SYNCRIP: variants seen among roughly 807,000 people sequenced by gnomAD.
SYNCRIP encodes synaptotagmin binding cytoplasmic RNA interacting protein.
Under a neutral mutation model 68.9 loss-of-function variants are expected in SYNCRIP, and 9 were observed. That is an observed-to-expected ratio of 0.13 (90% CI 0.08 to 0.23). The LOEUF (loss-of-function observed/expected upper bound fraction) is 0.23, where lower values mean the gene tolerates loss of function less well. SYNCRIP is among the 10% of genes least tolerant of loss of function. The probability of loss-of-function intolerance (pLI) is 1.00; values close to 1 mark genes in which losing one functional copy is unlikely to be tolerated. For missense variants in SYNCRIP, 414 were observed against 770.6 expected, an observed-to-expected ratio of 0.54 and a Z score of 5.48; for synonymous variants, 258 against 254.0, an observed-to-expected ratio of 1.02 and a Z score of -0.15.
chr6:85,628,100 G>C (rs942031414), intron 6 of SYNCRIP, among the ~76,000 whole-genome samples: 5 of 151,986 alleles, frequency 3.3e-5, no homozygotes, highest in African/African-American at 9.7e-5. Flanking sequence ...CTGACACCCA[G>C]GATGGAGTAC....
downstream of SYNCRIP, chr6:85,609,803 A>AT (rs953876089): frequency 2.6e-5 from 4 of 151,888 alleles, no homozygotes; most frequent in Admixed American, 6.6e-5. Flanking sequence ...TTAAGAATAC[A>AT]TTTTTTACCC....
intron 10 of SYNCRIP, among the ~76,000 whole-genome samples, chr6:85,615,657 C>T (rs1470109768): frequency 6.6e-6 from 1 of 152,136 alleles, no homozygotes; most frequent in Non-Finnish European, 1.5e-5. Flanking sequence ...AAATTTGCCA[C>T]TTTAGGGCTG....
At chr6:85,636,872 A>T in intron 6 of SYNCRIP, 95 bp downstream of exon 6, 1 of 1,298,726 alleles carries the variant, frequency 7.7e-7, no homozygotes, top group Non-Finnish European at 1.1e-6. Flanking sequence ...CAGTACTTCA[A>T]AAAATGTTTG....
intron 1 of SYNCRIP, among the ~76,000 whole-genome samples, 157 bp downstream of exon 1, chr6:85,642,640 C>G (rs890259308): frequency 2.6e-5 from 4 of 152,232 alleles, no homozygotes; most frequent in African/African-American, 9.6e-5. Context: ...GCGGCGCGGG[C>G]CGCGGCCTAC....
intron 6 of SYNCRIP, among the ~76,000 whole-genome samples, chr6:85,630,783 G>A (rs1807680410): frequency 1.3e-5 from 2 of 152,082 alleles, no homozygotes. Flanking sequence ...CTACATAATG[G>A]GGCACAGTTC....
chr6:85,629,599 G>A (rs1363538868), intron 6 of SYNCRIP, among the ~76,000 whole-genome samples: 7 of 151,612 alleles, frequency 4.6e-5, no homozygotes, highest in Middle Eastern at 3.4e-3. Context: ...CGATGTGGGC[G>A]GATCACGAGG....
At chr6:85,624,218 C>CGGCCGGGCGCGG in intron 6 of SYNCRIP, 106 bp from the exon 7 acceptor site, 2 of 1,114,042 alleles carry the variant, frequency 1.8e-6, no homozygotes, top group East Asian at 4.9e-5. Flanking sequence ...AGTAGTTTAC[C>CGGCCGGGCGCGG]TTAATTCCCA....
chr6:85,641,601 C>G (rs909151000), intron 1 of SYNCRIP, 150 bp from the exon 2 acceptor site: 2 of 745,864 alleles, frequency 2.7e-6, no homozygotes, highest in African/African-American at 1.8e-5. Context: ...TATCGCCTGA[C>G]AAGCCAGATT....
intron 6 of SYNCRIP, among the ~76,000 whole-genome samples, chr6:85,629,397 A>G (rs1338354658): frequency 6.6e-6 from 1 of 152,006 alleles, no homozygotes; most frequent in African/African-American, 2.4e-5. Context: ...TTATTATTAA[A>G]ATATCTCTGA....
chr6:85,637,147 T>C lies in SYNCRIP; in HGVS notation c.490-4A>G. ...TTGGGATCTTTCCCACAAATATCTG[T>C]AAATTAAATATTAAGTAAAAACCAT... On this transcript the variant is annotated splice_region_variant and splice_polypyrimidine_tract_variant and intron_variant, in intron 5 of 10. Coordinates refer to ENST00000369622, the MANE Select transcript of SYNCRIP (RefSeq NM_006372.5). The C allele has an allele frequency of 6.2e-7, 1 of 1,607,964 alleles. No individual in the cohort carries two copies. Among genetic ancestry groups the C allele is most frequent in the Non-Finnish European group, 8.5e-7 (1 of 1,178,082 alleles).
chr6:85,643,730 G>C (rs2128308032), upstream of SYNCRIP: 1 of 151,634 alleles, frequency 6.6e-6, no homozygotes, highest in African/African-American at 2.4e-5. Context: ...TGCGACTGCC[G>C]CTTCCCGGAG....
At chr6:85,642,998 C>CCCCTT (rs536724274), upstream of SYNCRIP, 1,553 of 147,462 alleles carry the variant, frequency 0.011, 19 homozygotes, top group Middle Eastern at 0.017. Flanking sequence ...CGCGTGACCC[C>CCCCTT]CCCTTCCCTT....
In SYNCRIP at chr6:85,637,270, T is replaced by C. The variant is rs1274445635; in HGVS notation, c.462A>G (p.Ser154=). The C allele has an allele frequency of 1.2e-6, 2 of 1,614,152 alleles. No homozygotes were observed. The highest frequency in any genetic ancestry group is 1.1e-5 in the South Asian group (1 of 91,062). The change falls in exon 5 of 11, where the codon TCA becomes TCG. Residue 154 remains serine, a synonymous_variant. Coordinates refer to ENST00000369622, the MANE Select transcript of SYNCRIP (RefSeq NM_006372.5). ...YGGPPPDSVY[S]GQQPSVGTEI... Reference sequence around the variant, plus strand: ...CAGTGCCAACAGAAGGCTGCTGACCTGAATAAACGGAATCTGGAGGTGGTC... The same window carrying C: ...CAGTGCCAACAGAAGGCTGCTGACCCGAATAAACGGAATCTGGAGGTGGTC...
intron 6 of SYNCRIP, among the ~76,000 whole-genome samples, chr6:85,635,219 T>C (rs1808306234): frequency 6.6e-6 from 1 of 152,094 alleles, no homozygotes; most frequent in Admixed American, 6.6e-5. Context: ...TCTAGAGCTC[T>C]AAAATGCCCC....
chr6:85,615,370 TAG>T, intron 10 of SYNCRIP, 23 bp from the exon 11 acceptor site: 1 of 1,425,884 alleles, frequency 7.0e-7, no homozygotes, highest in Non-Finnish European at 9.3e-7. Flanking sequence ...AGACAGAGAT[TAG>T]AGTTTAAATC....
downstream of SYNCRIP, chr6:85,610,729 C>T (rs1307257760): frequency 6.6e-6 from 1 of 152,024 alleles, no homozygotes; most frequent in African/African-American, 2.4e-5. Flanking sequence ...CTCCTCGGAA[C>T]TGAGAAATGC....
At position 85,623,562 on chromosome 6, in the gene SYNCRIP, C is replaced by CCAAAAAAAAAAAAAAAAAAAAAA. The variant is rs572909849; in HGVS notation, c.802+414_802+415insTTTTTTTTTTTTTTTTTTTTTTG. On this transcript the variant is annotated intron_variant, in intron 7 of 10. Coordinates refer to ENST00000369622, the MANE Select transcript of SYNCRIP (RefSeq NM_006372.5). ...CTGGGCAACAAAGCAAGACTGTCTCCAAAAAAAAAAAAAAAAAAAAACACT... is the reference window on the plus strand; with the variant it reads ...CTGGGCAACAAAGCAAGACTGTCTCCCAAAAAAAAAAAAAAAAAAAAAAAAAAAAAAAAAAAAAAAAAAACACT... Among the ~76,000 whole-genome samples, 7 of 63,254 alleles carry CCAAAAAAAAAAAAAAAAAAAAAA rather than the reference C, an allele frequency of 1.1e-4. 1 individual carries two copies. The highest frequency in any genetic ancestry group is 1.4e-4 in the Non-Finnish European group (5 of 35,568). The allele number at this position is 63,254 out of a possible 152,430, so 41.5% of individuals were successfully genotyped here.
chr6:85,618,775 TATTAAAATTTATACA>T (rs775064858), intron 10 of SYNCRIP, 28 bp downstream of exon 10: 1 of 1,487,202 alleles, frequency 6.7e-7, no homozygotes, highest in Non-Finnish European at 9.1e-7. Context: ...AGTGTATAAA[TATTAAAATTTATACA>T]ATTTTTAAGT....
At position 85,640,186 on chromosome 6, in the gene SYNCRIP, G is replaced by T. The variant is rs186201762; in HGVS notation, c.375+35C>A. ...ACCAAAATTAGGAAACAGTTAAAAT[G>T]ACTTTAAAACTAAAGGGAGTATAGA... is the stretch of plus-strand genomic sequence containing the variant. On this transcript the variant is annotated intron_variant, in intron 4 of 10. Coordinates refer to ENST00000369622, the MANE Select transcript of SYNCRIP (RefSeq NM_006372.5). The T allele has an allele frequency of 6.0e-4, 868 of 1,438,436 alleles. 9 individuals are homozygous for T. The African/African-American group carries it at 0.011, about 19-fold the overall frequency. 89.1% of individuals were successfully genotyped at this position (1,438,436 alleles called of 1,614,324 possible). A position where few individuals can be genotyped will look rare whatever the true frequency, so the allele number is the denominator to read the frequency against.
Sources: gnomAD v4.1 joint callset for allele counts (sites outside exome capture counted in the v4.1 genomes callset) on GRCh38, gnomAD v4.1.1 for gene constraint, MANE v1.5 for transcripts, NCBI Gene and HGNC (gene_info 2026-07-23, HGNC 2026-07-21) for gene names.